The following CYP7B1 variants were observed in gnomAD, a reference collection of about 807,000 sequenced individuals.
The protein encoded by CYP7B1 is cytochrome P450 7B1.
A neutral mutation model predicts 42.7 loss-of-function variants in CYP7B1; 29 were observed. The observed-to-expected ratio is 0.68, with a 90% CI of 0.51 to 0.93. The LOEUF (loss-of-function observed/expected upper bound fraction) is 0.93. Among genes scored for constraint, CYP7B1 ranks in the 40% least tolerant of loss-of-function variants. The pLI is 0.00. For synonymous variants in CYP7B1, 235 were observed against 218.2 expected (o/e 1.08, Z -0.68); for missense variants, 655 against 600.5 (o/e 1.09, Z -0.95).
chr8:64,660,114 G>A (rs144466472), intron 1 of CYP7B1, among the ~76,000 whole-genome samples: 28 of 152,186 alleles, frequency 1.8e-4, no homozygotes, highest in African/African-American at 2.6e-4. Context: ...CCAAATAACC[G>A]TCTTTATGAG....
At chr8:64,603,640 C>T (rs968019999) in intron 5 of CYP7B1, among the ~76,000 whole-genome samples, 3 of 152,202 alleles carry the variant, frequency 2.0e-5, no homozygotes, top group Non-Finnish European at 4.4e-5. Context: ...CCTTCACTTG[C>T]TAATACTCTA....
chr8:64,615,755 T>C lies in CYP7B1; in HGVS notation c.786A>G (p.Glu262=), dbSNP rs757183116. 6.2e-7 allele frequency: 1 copy of C among 1,613,786 alleles called. No individual in the cohort carries two copies. The highest frequency in any genetic ancestry group is 1.7e-5 in the Admixed American group (1 of 60,014). Residue 262 remains glutamate (E), a synonymous_variant, in exon 3 of 6, where the codon GAA becomes GAG. Transcript: ENST00000310193. ...GGACATCTTGCCTGCTTTGAAAAAC[T>C]TCTGACCATCCTTGCATCTTGGCTA... The part of the protein sequence containing the change: ...EKLAKMQGWS[E]VFQSRQDVLE...
At chr8:64,746,956 T>C (rs1412954825) in intron 1 of CYP7B1, among the ~76,000 whole-genome samples, 1 of 151,716 alleles carries the variant, frequency 6.6e-6, no homozygotes, top group Non-Finnish European at 1.5e-5. Context: ...AAAATCTAAA[T>C]ACAAAGTATG....
intron 1 of CYP7B1, among the ~76,000 whole-genome samples, chr8:64,648,243 T>G (rs1443913957): frequency 6.6e-6 from 1 of 152,196 alleles, no homozygotes; most frequent in Non-Finnish European, 1.5e-5. Flanking sequence ...TTTGATCTTT[T>G]TTTCTAGGAA....
chr8:64,686,230 G>A, intron 1 of CYP7B1, among the ~76,000 whole-genome samples: 1 of 56,878 alleles, frequency 1.8e-5, no homozygotes, highest in Non-Finnish European at 4.1e-5. Flanking sequence ...GAGGGAGGTG[G>A]GGGGGTCGGC....
At chr8:64,688,449 A>G (rs1052574168) in intron 1 of CYP7B1, among the ~76,000 whole-genome samples, 2 of 144,078 alleles carry the variant, frequency 1.4e-5, no homozygotes, top group African/African-American at 5.2e-5. Flanking sequence ...TTTATTTAAT[A>G]TAGACTACAT....
rs576748908 is a variant in CYP7B1, at chr8:64,712,289, A to T, written c.122+86177T>A. Among the ~76,000 whole-genome samples the T allele has an allele frequency of 1.8e-3, 261 of 148,672 alleles. 1 individual carries two copies. Among genetic ancestry groups the T allele is most frequent in the Middle Eastern group, 3.4e-3 (1 of 290 alleles). ...ATCAGCAATCCTTTTTTTTTTTTTT[A>T]AAACAAAACACTTTACTGGAACTGG... is the stretch of plus-strand genomic sequence containing the variant. On this transcript the variant is annotated intron_variant, in intron 1 of 5. Coordinates refer to ENST00000310193, the MANE Select transcript of CYP7B1 (RefSeq NM_004820.5).
At chr8:64,733,665 A>G (rs1807446163) in intron 1 of CYP7B1, among the ~76,000 whole-genome samples, 1 of 152,174 alleles carries the variant, frequency 6.6e-6, no homozygotes, top group African/African-American at 2.4e-5. Flanking sequence ...CTCAGCTTTG[A>G]GGTCTCAAGT....
intron 1 of CYP7B1, among the ~76,000 whole-genome samples, chr8:64,734,682 G>C (rs553774868): frequency 6.6e-6 from 1 of 152,196 alleles, no homozygotes; most frequent in East Asian, 1.9e-4. Flanking sequence ...AAACCTACTA[G>C]GTCAACAAAT....
At chr8:64,661,765 C>T (rs1806202503) in intron 1 of CYP7B1, among the ~76,000 whole-genome samples, 1 of 152,136 alleles carries the variant, frequency 6.6e-6, no homozygotes, top group Non-Finnish European at 1.5e-5. Flanking sequence ...CTGTGGCTCT[C>T]AACTGCAATG....
chr8:64,730,611 T>C (rs554830933), intron 1 of CYP7B1, among the ~76,000 whole-genome samples: 35 of 152,306 alleles, frequency 2.3e-4, no homozygotes, highest in Non-Finnish European at 4.3e-4. Flanking sequence ...GGCAGTTAAA[T>C]GTATATGTTA....
At chr8:64,710,309 C>A in intron 1 of CYP7B1, among the ~76,000 whole-genome samples, 1 of 152,304 alleles carries the variant, frequency 6.6e-6, no homozygotes, top group Middle Eastern at 3.4e-3. Flanking sequence ...CATCCCTGAT[C>A]CAGTTAGACT....
chr8:64,604,973 C>T (rs971845162), intron 4 of CYP7B1, 116 bp from the exon 5 acceptor site: 1 of 1,189,806 alleles, frequency 8.4e-7, no homozygotes, highest in African/African-American at 1.5e-5. Flanking sequence ...ACTGTTTCTT[C>T]ATCACATACA....
At chr8:64,756,641 C>A (rs901424857) in intron 1 of CYP7B1, among the ~76,000 whole-genome samples, 1 of 152,172 alleles carries the variant, frequency 6.6e-6, no homozygotes, top group African/African-American at 2.4e-5. Context: ...ATGCCCCTGC[C>A]CGCTAGCATC....
intron 1 of CYP7B1, among the ~76,000 whole-genome samples, chr8:64,692,456 C>A (rs1806761959): frequency 6.6e-6 from 1 of 152,168 alleles, no homozygotes; most frequent in South Asian, 2.1e-4. Flanking sequence ...ATGCCTAGGT[C>A]AGCTATCTAT....
At chr8:64,674,937 T>C (rs1457507599) in intron 1 of CYP7B1, among the ~76,000 whole-genome samples, 1 of 152,144 alleles carries the variant, frequency 6.6e-6, no homozygotes, top group East Asian at 1.9e-4. Flanking sequence ...TTTAAAGATT[T>C]TTTTTATGAC....
In CYP7B1 at chr8:64,678,806, G is replaced by A. The variant is rs114484426; in HGVS notation, c.123-54267C>T. ...ATCCTATCCACATGGGATGAGAACT[G>A]TACAGGCCCTTCTTATCCCAAGAAA... On this transcript the variant is annotated intron_variant, in intron 1 of 5. Transcript: ENST00000310193. 4.1e-3 allele frequency among the ~76,000 whole-genome samples: 619 copies of A among 152,102 alleles called. 6 individuals are homozygous for A. Among genetic ancestry groups the A allele is most frequent in the African/African-American group, 0.014 (575 of 41,508 alleles).
chr8:64,789,161 C>A (rs549206547), intron 1 of CYP7B1, among the ~76,000 whole-genome samples: 1 of 152,304 alleles, frequency 6.6e-6, no homozygotes, highest in Admixed American at 6.5e-5. Context: ...CTGCTGACCT[C>A]AAGTGATCCA....
chr8:64,771,047 C>CTTTTTTTTTTTTTTTTTTTTTTTTTT (rs757503820), intron 1 of CYP7B1, among the ~76,000 whole-genome samples: 1 of 42,504 alleles, frequency 2.4e-5, no homozygotes, highest in African/African-American at 8.3e-5. Context: ...ATATCAGCAT[C>CTTTTTTTTTTTTTTTTTTTTTTTTTT]TTTTTTTTTT....
Sources: gnomAD v4.1 joint callset for allele counts (sites outside exome capture counted in the v4.1 genomes callset) on GRCh38, gnomAD v4.1.1 for gene constraint, MANE v1.5 for transcripts, NCBI Gene and HGNC (gene_info 2026-07-23, HGNC 2026-07-21) for gene names.